Variants in NKAIN2 observed in about 807,000 individuals in gnomAD.
NKAIN2 encodes sodium/potassium transporting ATPase interacting 2, also known as sodium/potassium-transporting ATPase subunit beta-1-interacting protein 2.
In NKAIN2, 14 loss-of-function variants were observed where a neutral mutation model predicts 32.6. That is an observed-to-expected ratio of 0.43 (90% CI 0.28 to 0.67). The LOEUF is 0.67. NKAIN2 is among the 30% of genes least tolerant of loss of function. The probability of loss-of-function intolerance (pLI) is 0.17; values close to 1 mark genes in which losing one functional copy is unlikely to be tolerated. For synonymous variants in NKAIN2, 80 were observed against 87.2 expected, an observed-to-expected ratio of 0.92 and a Z score of 0.46; for missense variants, 198 against 258.3, an observed-to-expected ratio of 0.77 and a Z score of 1.60.
At chr6:124,040,728 T>C (rs969913370) in intron 1 of NKAIN2, among the ~76,000 whole-genome samples, 6 of 152,002 alleles carry the variant, frequency 3.9e-5, no homozygotes, top group Non-Finnish European at 8.8e-5. Context: ...GTGGCTCTTC[T>C]TGCATTCAAA....
chr6:124,566,414 G>A (rs550944344), intron 3 of NKAIN2, among the ~76,000 whole-genome samples: 3 of 152,230 alleles, frequency 2.0e-5, no homozygotes, highest in African/African-American at 4.8e-5. Flanking sequence ...CACATTCAAC[G>A]GTGAGTGGCA....
intron 1 of NKAIN2, among the ~76,000 whole-genome samples, chr6:124,135,534 AAAG>A (rs1184644204): frequency 7.7e-4 from 115 of 149,120 alleles, no homozygotes; most frequent in East Asian, 5.9e-3. Flanking sequence ...AAAAAAAAAA[AAAG>A]AAGACATTAT....
At chr6:124,057,616 C>T (rs1315483009) in intron 1 of NKAIN2, among the ~76,000 whole-genome samples, 4 of 151,236 alleles carry the variant, frequency 2.6e-5, no homozygotes, top group African/African-American at 7.3e-5. Flanking sequence ...TGGAAGTGTT[C>T]CTGGAGTTAA....
At chr6:124,663,745 C>A (rs899829379) in intron 4 of NKAIN2, among the ~76,000 whole-genome samples, 5 of 152,016 alleles carry the variant, frequency 3.3e-5, no homozygotes, top group African/African-American at 1.2e-4. Flanking sequence ...ATTTTCAATT[C>A]TTTGCTTTCA....
chr6:124,633,331 C>A (rs1280162235), intron 3 of NKAIN2, among the ~76,000 whole-genome samples: 1 of 152,098 alleles, frequency 6.6e-6, no homozygotes, highest in African/African-American at 2.4e-5. Flanking sequence ...AATTTTATTT[C>A]TTTTGTAGTA....
At chr6:123,856,523 T>C (rs1019480946) in intron 1 of NKAIN2, among the ~76,000 whole-genome samples, 9 of 152,232 alleles carry the variant, frequency 5.9e-5, no homozygotes, top group Non-Finnish European at 5.9e-5. Flanking sequence ...TATCGTAAAG[T>C]TGGTAAGAGC....
chr6:124,751,055 T>C (rs1777696195), intron 4 of NKAIN2, among the ~76,000 whole-genome samples: 1 of 152,062 alleles, frequency 6.6e-6, no homozygotes, highest in Admixed American at 6.6e-5. Flanking sequence ...CTGTAGACTT[T>C]GTAGTGTCAA....
intron 3 of NKAIN2, among the ~76,000 whole-genome samples, chr6:124,634,875 G>C (rs1017032819): frequency 6.6e-6 from 1 of 151,630 alleles, no homozygotes; most frequent in African/African-American, 2.4e-5. Context: ...CACATATAAG[G>C]GAATCCCCTT....
intron 3 of NKAIN2, among the ~76,000 whole-genome samples, chr6:124,364,920 G>C (rs1272799117): frequency 1.3e-5 from 2 of 151,920 alleles, no homozygotes; most frequent in Non-Finnish European, 2.9e-5. Context: ...ACAAGAGGTA[G>C]AAAGGAGCTA....
At chr6:123,953,778 A>T (rs1319875078) in intron 1 of NKAIN2, among the ~76,000 whole-genome samples, 1 of 152,138 alleles carries the variant, frequency 6.6e-6, no homozygotes, top group Non-Finnish European at 1.5e-5. Context: ...GTAGGCAGGG[A>T]TGGATGATCC....
chr6:123,976,857 C>T (rs1778661847), intron 1 of NKAIN2, among the ~76,000 whole-genome samples: 1 of 152,112 alleles, frequency 6.6e-6, no homozygotes, highest in Non-Finnish European at 1.5e-5. Context: ...ATTTCAGTGT[C>T]ATTACCAGTA....
intron 3 of NKAIN2, among the ~76,000 whole-genome samples, chr6:124,646,963 CAA>C (rs889939153): frequency 1.5e-4 from 23 of 150,640 alleles, no homozygotes; most frequent in African/African-American, 5.6e-4. Flanking sequence ...AAAACAAAAA[CAA>C]AAACAAAAAC....
chr6:124,637,504 CA>C (rs1783819230), intron 3 of NKAIN2, among the ~76,000 whole-genome samples: 1 of 151,896 alleles, frequency 6.6e-6, no homozygotes, highest in Non-Finnish European at 1.5e-5. Flanking sequence ...TAAATTTTTG[CA>C]TTATTTTTTC....
At chr6:124,448,363 C>G (rs1775976570) in intron 3 of NKAIN2, among the ~76,000 whole-genome samples, 1 of 152,128 alleles carries the variant, frequency 6.6e-6, no homozygotes, top group African/African-American at 2.4e-5. Context: ...TAAGACTACT[C>G]AAATGAATTT....
At position 124,718,584 on chromosome 6, in the gene NKAIN2, T is replaced by C. The variant is rs1009243755; in HGVS notation, c.474+60198T>C. Among the ~76,000 whole-genome samples the C allele has an allele frequency of 2.6e-5, 4 of 152,176 alleles. No homozygotes were observed. In the East Asian group the frequency reaches 7.7e-4, roughly 29 times the overall value. On this transcript the variant is annotated intron_variant, in intron 4 of 6. Coordinates refer to ENST00000368417, the MANE Select transcript of NKAIN2 (RefSeq NM_001040214.3). ...TCATTGTCTTTTAATATTTCTAAGA[T>C]TAATATTCCCCATAGAATTTCCTAT...
intron 1 of NKAIN2, among the ~76,000 whole-genome samples, chr6:123,979,739 A>G (rs62435601): frequency 0.026 from 3,907 of 152,258 alleles, 85 homozygotes; most frequent in Non-Finnish European, 0.041. Context: ...AGTTAATTCA[A>G]AGAGATGAAT....
intron 5 of NKAIN2, among the ~76,000 whole-genome samples, chr6:124,817,034 G>C (rs1157308856): frequency 6.6e-6 from 1 of 152,158 alleles, no homozygotes; most frequent in Non-Finnish European, 1.5e-5. Flanking sequence ...GACAGGCACA[G>C]AGGGGATGGC....
intron 3 of NKAIN2, among the ~76,000 whole-genome samples, chr6:124,519,061 G>T (rs1019238219): frequency 3.3e-5 from 5 of 152,108 alleles, no homozygotes; most frequent in African/African-American, 1.2e-4. Flanking sequence ...ACAGATAATT[G>T]GCTGACAGTC....
chr6:123,950,912 A>T (rs1382831547), intron 1 of NKAIN2, among the ~76,000 whole-genome samples: 1 of 151,720 alleles, frequency 6.6e-6, no homozygotes, highest in East Asian at 1.9e-4. Flanking sequence ...TACTTTTCTG[A>T]TGTAAGTGTT....
Sources: gnomAD v4.1 joint callset for allele counts (sites outside exome capture counted in the v4.1 genomes callset) on GRCh38, gnomAD v4.1.1 for gene constraint, MANE v1.5 for transcripts, NCBI Gene and HGNC (gene_info 2026-07-23, HGNC 2026-07-21) for gene names.